The following PRKCE variants were observed in gnomAD, a reference collection of about 807,000 sequenced individuals.
The protein encoded by PRKCE is protein kinase C epsilon type.
PRKCE carries 16 observed loss-of-function variants against 85.4 expected under a neutral mutation model. That is an observed-to-expected ratio of 0.19 (90% CI 0.13 to 0.28). The LOEUF (loss-of-function observed/expected upper bound fraction) is 0.28, where lower values mean the gene tolerates loss of function less well. PRKCE is among the 10% of genes least tolerant of loss of function. The pLI is 1.00. For missense variants in PRKCE, 573 were observed against 975.2 expected (o/e 0.59, Z 5.49); for synonymous variants, 388 against 371.5 (o/e 1.04, Z -0.51).
intron 1 of PRKCE, among the ~76,000 whole-genome samples, chr2:45,829,026 GT>G (rs61186243): frequency 0.99 from 150,881 of 151,838 alleles, 74,966 homozygotes; most frequent in East Asian, 1. Flanking sequence ...AATTCAACAA[GT>G]TTTTTTTTTC....
At chr2:45,989,941 C>T (rs890125573) in intron 6 of PRKCE, among the ~76,000 whole-genome samples, 14 of 152,178 alleles carry the variant, frequency 9.2e-5, no homozygotes, top group African/African-American at 3.4e-4. Context: ...TAAAAATGTG[C>T]TATGGGTCCT....
intron 13 of PRKCE, among the ~76,000 whole-genome samples, chr2:46,156,056 G>A (rs1291885566): frequency 6.1e-5 from 4 of 65,130 alleles, no homozygotes; most frequent in African/African-American, 1.2e-4. Context: ...TGTTTGTTAC[G>A]TGGAAAAAAA....
At chr2:46,183,612 G>A (rs903620602) in intron 14 of PRKCE, among the ~76,000 whole-genome samples, 9 of 152,246 alleles carry the variant, frequency 5.9e-5, no homozygotes, top group South Asian at 2.1e-4. Flanking sequence ...CCTAACTCCC[G>A]CCATCCCCAT....
At chr2:45,916,695 G>A (rs143748059) in intron 2 of PRKCE, among the ~76,000 whole-genome samples, 2 of 152,306 alleles carry the variant, frequency 1.3e-5, no homozygotes, top group East Asian at 1.9e-4. Context: ...AGAGCATACA[G>A]TCTAAACACA....
chr2:45,772,132 C>CA (rs11453571), intron 1 of PRKCE, among the ~76,000 whole-genome samples: 85,489 of 151,824 alleles, frequency 0.56, 26,507 homozygotes, highest in East Asian at 0.8. Flanking sequence ...CCGAGTGCAG[C>CA]CAGAATTAGC....
chr2:45,918,215 C>G (rs1442064789), intron 2 of PRKCE, among the ~76,000 whole-genome samples: 4 of 152,154 alleles, frequency 2.6e-5, no homozygotes, highest in Non-Finnish European at 4.4e-5. Flanking sequence ...GCTGTGAGGA[C>G]TGCCAGCACG....
intron 11 of PRKCE, among the ~76,000 whole-genome samples, chr2:46,098,902 G>A (rs190075569): frequency 2.0e-5 from 3 of 152,234 alleles, no homozygotes; most frequent in Admixed American, 6.5e-5. Context: ...GGCCATGTTT[G>A]TTTCAAGATG....
At chr2:45,870,621 T>C (rs1694014523) in intron 2 of PRKCE, among the ~76,000 whole-genome samples, 1 of 152,148 alleles carries the variant, frequency 6.6e-6, no homozygotes, top group African/African-American at 2.4e-5. Flanking sequence ...GTTTGGAAAG[T>C]AGGGAGATGT....
chr2:46,114,978 G>A (rs994336264), intron 11 of PRKCE, among the ~76,000 whole-genome samples: 1 of 152,182 alleles, frequency 6.6e-6, no homozygotes. Flanking sequence ...AGGAACTCTT[G>A]TGCCATTGAC....
intron 10 of PRKCE, among the ~76,000 whole-genome samples, chr2:46,028,147 G>T (rs1014124107): frequency 2.6e-5 from 4 of 152,106 alleles, no homozygotes; most frequent in African/African-American, 9.7e-5. Flanking sequence ...TTGCCATGCT[G>T]GCCAGGCCGG....
At chr2:46,083,364 C>T (rs916458950) in intron 10 of PRKCE, among the ~76,000 whole-genome samples, 1 of 152,198 alleles carries the variant, frequency 6.6e-6, no homozygotes, top group Admixed American at 6.5e-5. Flanking sequence ...TTTCTCATCC[C>T]ACAGCCCCTA....
At chr2:45,885,024 T>C (rs1695194561) in intron 2 of PRKCE, among the ~76,000 whole-genome samples, 1 of 138,996 alleles carries the variant, frequency 7.2e-6, no homozygotes, top group Admixed American at 7.4e-5. Flanking sequence ...GTTGTTGTTT[T>C]ACCAAGAGCT....
At chr2:45,856,600 T>G (rs934805056) in intron 2 of PRKCE, among the ~76,000 whole-genome samples, 1 of 152,202 alleles carries the variant, frequency 6.6e-6, no homozygotes, top group African/African-American at 2.4e-5. Flanking sequence ...ATACGACACA[T>G]TGTTATTTGC....
chr2:46,177,081 T>A (rs1574675462), intron 14 of PRKCE, among the ~76,000 whole-genome samples: 1 of 151,996 alleles, frequency 6.6e-6, no homozygotes, highest in South Asian at 2.1e-4. Flanking sequence ...TGTCCCAAAA[T>A]AAGAAGAAAT....
intron 1 of PRKCE, among the ~76,000 whole-genome samples, chr2:45,673,365 G>C (rs1676267544): frequency 6.6e-6 from 1 of 152,190 alleles, no homozygotes; most frequent in Non-Finnish European, 1.5e-5. Flanking sequence ...ATTTATTGCA[G>C]GACTTTTTTT....
rs565425041 is a variant in PRKCE, at chr2:46,173,636, A to G, written c.2068-11099A>G. Among the ~76,000 whole-genome samples the G allele has an allele frequency of 4.6e-5, 7 of 152,318 alleles. No homozygotes were observed. In the South Asian group the frequency reaches 1.4e-3, roughly 32 times the overall value. ...GTTTCTGAATTGGCACTGCCTTCCA[A>G]AGGAACCTTCGGGTAGTTGCCCTGA... On this transcript the variant is annotated intron_variant, in intron 14 of 14. Coordinates refer to ENST00000306156, the MANE Select transcript of PRKCE (RefSeq NM_005400.3).
At chr2:46,166,190 C>T (rs1678322305) in intron 14 of PRKCE, among the ~76,000 whole-genome samples, 1 of 152,234 alleles carries the variant, frequency 6.6e-6, no homozygotes, top group South Asian at 2.1e-4. Context: ...ACCAACTTAG[C>T]GACCTGAGGA....
intron 1 of PRKCE, among the ~76,000 whole-genome samples, chr2:45,719,373 T>C (rs1406934021): frequency 6.6e-6 from 1 of 152,240 alleles, no homozygotes; most frequent in African/African-American, 2.4e-5. Context: ...AAACTATGTT[T>C]CTTAACTTTT....
chr2:45,927,687 A>T (rs542436472), intron 2 of PRKCE, among the ~76,000 whole-genome samples: 15 of 152,316 alleles, frequency 9.8e-5, no homozygotes, highest in East Asian at 7.7e-4. Flanking sequence ...AGGAAGTAAA[A>T]TCTCTCGCAT....
Sources: gnomAD v4.1 joint callset for allele counts (sites outside exome capture counted in the v4.1 genomes callset) on GRCh38, gnomAD v4.1.1 for gene constraint, MANE v1.5 for transcripts, NCBI Gene and HGNC (gene_info 2026-07-23, HGNC 2026-07-21) for gene names.